The following CCNH variants were observed in gnomAD, a reference collection of about 807,000 sequenced individuals.
CCNH encodes cyclin H.
In CCNH, 31 loss-of-function variants were observed where a neutral mutation model predicts 41.9. That is an observed-to-expected ratio of 0.74 (90% CI 0.56 to 1.00). The LOEUF (loss-of-function observed/expected upper bound fraction) is 1.00. CCNH is among the 50% of genes least tolerant of loss of function. The pLI, the probability that CCNH is intolerant of heterozygous loss-of-function variation, is 0.00. For missense variants in CCNH, 362 were observed against 388.4 expected (o/e 0.93, Z 0.57); for synonymous variants, 138 against 136.1 (o/e 1.01, Z -0.10).
intron 9 of CCNH, among the ~76,000 whole-genome samples, chr5:87,334,139 A>T (rs1054525840): frequency 1.3e-5 from 2 of 152,128 alleles, no homozygotes; most frequent in African/African-American, 4.8e-5. Flanking sequence ...TGATAGATGG[A>T]GACAGTAAAG....
chr5:87,373,746 T>C (rs1761118245), downstream of CCNH, among the ~76,000 whole-genome samples: 1 of 152,196 alleles, frequency 6.6e-6, no homozygotes, highest in South Asian at 2.1e-4. Context: ...GGAACTCTTT[T>C]ATAGAAATAG....
intron 9 of CCNH, chr5:87,353,123 G>A (rs1197277477): frequency 4.5e-6 from 7 of 1,539,606 alleles, no homozygotes; most frequent in Non-Finnish European, 6.3e-6. Context: ...AGTTTTATGA[G>A]ACAGATTAAT....
downstream of CCNH, among the ~76,000 whole-genome samples, chr5:87,371,947 TA>T (rs1465910313): frequency 7.0e-6 from 1 of 143,270 alleles, no homozygotes; most frequent in African/African-American, 2.4e-5. Flanking sequence ...ATTGTTATGT[TA>T]TTGTTATTTT....
At position 87,395,037 on chromosome 5, in the gene CCNH, A is replaced by AACAT; in HGVS notation, c.933+3_933+6dup. The AACAT allele has an allele frequency of 1.9e-6, 3 of 1,610,004 alleles. No homozygotes were observed. The highest frequency in any genetic ancestry group is 1.7e-6 in the Non-Finnish European group (2 of 1,176,532). ...AACTTAGAGTTCATCTTTGGAGTAA[A>AACAT]ACATACCTCCTCATGTTTGGATTTC... is the stretch of plus-strand genomic sequence containing the variant. On this transcript the variant is annotated splice_region_variant and intron_variant, in intron 8 of 8. Coordinates refer to ENST00000256897, the MANE Select transcript of CCNH (RefSeq NM_001239.4).
At chr5:87,311,631 A>G in the CCNH span, among the ~76,000 whole-genome samples, 1 of 152,352 alleles carries the variant, frequency 6.6e-6, no homozygotes, top group Non-Finnish European at 1.5e-5. Context: ...TGCCGCTCAC[A>G]GCAGCAGTAT....
chr5:87,394,154 T>TAAAA (rs898862560), downstream of CCNH: 1 of 758,304 alleles, frequency 1.3e-6, no homozygotes, highest in Non-Finnish European at 1.7e-6. Flanking sequence ...GTGCCTTTTT[T>TAAAA]AAAAAAAGCA....
chr5:87,319,002 C>T (rs1756563449), intron 9 of CCNH: 1 of 152,376 alleles, frequency 6.6e-6, no homozygotes, highest in African/African-American at 2.4e-5. Flanking sequence ...AACAAATGGG[C>T]TACAGGCCCC....
downstream of CCNH, among the ~76,000 whole-genome samples, chr5:87,387,541 A>G (rs528675162): frequency 3.3e-5 from 5 of 152,326 alleles, no homozygotes; most frequent in African/African-American, 1.2e-4. Flanking sequence ...TTAGTAATTC[A>G]GTTCATATAC....
chr5:87,337,991 T>C lies in CCNH; in HGVS notation c.*91-19094A>G, dbSNP rs757272694. On this transcript the variant is annotated intron_variant and NMD_transcript_variant, in intron 9 of 9. Transcript: ENST00000645953. ...ATTTTCAGTTTCTTAAAAGGAGATA[T>C]GTTCATTGTTCATAATGAATTAGAA... The C allele has an allele frequency of 4.4e-6, 7 of 1,609,006 alleles. No individual in the cohort carries two copies. Among genetic ancestry groups the C allele is most frequent in the East Asian group, 2.2e-5 (1 of 44,568 alleles).
chr5:87,337,856 C>G (rs1758085368), intron 9 of CCNH: 2 of 1,121,690 alleles, frequency 1.8e-6, no homozygotes, highest in Non-Finnish European at 2.4e-6. Flanking sequence ...GTGTTTGACT[C>G]TAATTCCTTA....
At chr5:87,404,067 A>G (rs1389095946) in intron 5 of CCNH, among the ~76,000 whole-genome samples, 1 of 152,192 alleles carries the variant, frequency 6.6e-6, no homozygotes, top group Non-Finnish European at 1.5e-5. Flanking sequence ...ATAAACCTAC[A>G]ATCCCTTATC....
chr5:87,353,045 T>C, intron 9 of CCNH: 1 of 756,254 alleles, frequency 1.3e-6, no homozygotes, highest in Non-Finnish European at 2.3e-6. Flanking sequence ...TGTTATGTGC[T>C]TTGAAAAAAA....
upstream of CCNH, chr5:87,378,268 A>G: frequency 9.5e-7 from 1 of 1,050,214 alleles, no homozygotes; most frequent in Admixed American, 1.8e-5. Context: ...AGTACTTTCA[A>G]CGCTGCACGC....
At chr5:87,385,453 A>G (rs1005789366) in intron 9 of CCNH, 1 of 1,244,338 alleles carries the variant, frequency 8.0e-7, no homozygotes, top group African/African-American at 1.5e-5. Flanking sequence ...ATAAAACCAT[A>G]AATTGTGGCT....
Position 87,397,745 on chromosome 5 carries a change from T to C in CCNH, c.872+1649A>G, listed in dbSNP as rs3093837. Among the ~76,000 whole-genome samples the C allele has an allele frequency of 8.1e-3, 1,230 of 152,314 alleles. 41 individuals carry two copies. Among genetic ancestry groups the C allele is most frequent in the Admixed American group, 0.06 (925 of 15,298 alleles). ...AATTTTGGATTATGGTCCATTCAGT[T>C]ACTTAGCTAGAAAGGGTAGGATTAG... On this transcript the variant is annotated intron_variant, in intron 7 of 8. Transcript: ENST00000256897.
chr5:87,394,441 A>G lies in CCNH; in HGVS notation c.*5T>C. ...AGTTAGCATTGAGAAATCAACTTCA[A>G]ATGGTTAGAGAGATTCTACCAGGTC... On this transcript the variant is annotated 3_prime_UTR_variant, in exon 9 of 9. Coordinates refer to ENST00000256897, the MANE Select transcript of CCNH (RefSeq NM_001239.4). The G allele has an allele frequency of 6.2e-6, 10 of 1,612,514 alleles. No individual in the cohort carries two copies. The highest frequency in any genetic ancestry group is 8.5e-6 in the Non-Finnish European group (10 of 1,178,978).
rs1762003899 is a variant in CCNH at position 87,385,495 on chromosome 5, G to A, written c.*90+7275C>T. 5 of 831,414 alleles carry A rather than the reference G, an allele frequency of 6.0e-6. No individual in the cohort carries two copies. In the East Asian group the frequency reaches 8.1e-5, roughly 13 times the overall value. The allele number at this position is 831,414 out of a possible 1,614,324, so 51.5% of individuals were successfully genotyped here. Reference sequence around the variant, plus strand: ...AATTTTTAGCAGTGAAATTTTTAGCGATGAAAGATTATTTTTGTTGGTATG... The same window carrying A: ...AATTTTTAGCAGTGAAATTTTTAGCAATGAAAGATTATTTTTGTTGGTATG... On this transcript the variant is annotated intron_variant and NMD_transcript_variant, in intron 9 of 9. Coordinates refer to the CCNH transcript ENST00000645953.
At chr5:87,344,415 G>C (rs1006754111) in intron 9 of CCNH, among the ~76,000 whole-genome samples, 1 of 152,068 alleles carries the variant, frequency 6.6e-6, no homozygotes, top group Admixed American at 6.6e-5. Context: ...CCTAAAAAAT[G>C]ATCTGTTATC....
intron 9 of CCNH, chr5:87,346,650 T>A: frequency 6.8e-7 from 1 of 1,461,602 alleles, no homozygotes; most frequent in Non-Finnish European, 9.5e-7. Context: ...TATTTATATA[T>A]CTAATTTATT....
Sources: gnomAD v4.1 joint callset for allele counts (sites outside exome capture counted in the v4.1 genomes callset) on GRCh38, gnomAD v4.1.1 for gene constraint, MANE v1.5 for transcripts, NCBI Gene and HGNC (gene_info 2026-07-23, HGNC 2026-07-21) for gene names.